OPA1: variants seen among roughly 807,000 people sequenced by gnomAD.
The protein encoded by OPA1 is dynamin-like GTPase OPA1, mitochondrial.
OPA1 carries 59 observed loss-of-function variants against 152.9 expected under a neutral mutation model. The ratio of observed to expected loss-of-function variants is 0.39; its 90% confidence interval spans 0.31 to 0.48. OPA1 has a LOEUF of 0.48. Among genes scored for constraint, OPA1 ranks in the 20% least tolerant of loss-of-function variants. The pLI, the probability that OPA1 is intolerant of heterozygous loss-of-function variation, is 0.96. For missense variants in OPA1, 1,008 were observed against 1,216.8 expected (o/e 0.83, Z 2.55); for synonymous variants, 400 against 389.9 (o/e 1.03, Z -0.31).
chr3:193,627,289 A>T (rs1731310185), intron 7 of OPA1: 1 of 152,326 alleles, frequency 6.6e-6, no homozygotes, highest in South Asian at 2.1e-4. Flanking sequence ...ATGGCTGTGG[A>T]ATCAATTCAT....
At position 193,637,416 on chromosome 3, in the gene OPA1, T is replaced by C. The variant is rs1733125643; in HGVS notation, c.1035+135T>C. The C allele has an allele frequency of 8.0e-6, 4 of 499,302 alleles. No homozygotes were observed. The East Asian group carries it at 1.4e-4, about 17-fold the overall frequency. 30.9% of individuals were successfully genotyped at this position (499,302 alleles called of 1,614,324 possible). A position where few individuals can be genotyped will look rare whatever the true frequency, so the allele number is the denominator to read the frequency against. ...GTAGGCATTTATATTTTTTATGTAATCTTACATGTTCCAAGTAATGTCTTA... is the reference window on the plus strand; with the variant it reads ...GTAGGCATTTATATTTTTTATGTAACCTTACATGTTCCAAGTAATGTCTTA... On this transcript the variant is annotated intron_variant, in intron 10 of 30. Coordinates refer to ENST00000361510, the MANE Select transcript of OPA1 (RefSeq NM_130837.3).
At chr3:193,634,237 T>C (rs1214357352) in intron 8 of OPA1, among the ~76,000 whole-genome samples, 1 of 151,468 alleles carries the variant, frequency 6.6e-6, no homozygotes, top group African/African-American at 2.4e-5. Flanking sequence ...TTAGAAAGGA[T>C]CAAATTTATT....
intron 1 of OPA1, among the ~76,000 whole-genome samples, chr3:193,598,608 GAATGTTTGCA>G (rs905201061): frequency 1.3e-5 from 2 of 152,142 alleles, no homozygotes; most frequent in Non-Finnish European, 2.9e-5. Context: ...AGGGAGTTTA[GAATGTTTGCA>G]AAAGAGTTAT....
At chr3:193,639,679 A>T (rs190269847) in intron 11 of OPA1, among the ~76,000 whole-genome samples, 2 of 152,362 alleles carry the variant, frequency 1.3e-5, no homozygotes, top group African/African-American at 4.8e-5. Context: ...TTTAAGTAAA[A>T]TGGAAAGCCA....
intron 29 of OPA1, among the ~76,000 whole-genome samples, chr3:193,670,256 A>G (rs1039111044): frequency 3.3e-5 from 5 of 152,178 alleles, no homozygotes; most frequent in African/African-American, 1.2e-4. Flanking sequence ...AGGCAATCAA[A>G]TTTTTACTAC....
chr3:193,663,125 G>T (rs1715685931), intron 26 of OPA1, among the ~76,000 whole-genome samples, 163 bp downstream of exon 26: 1 of 152,144 alleles, frequency 6.6e-6, no homozygotes, highest in Non-Finnish European at 1.5e-5. Context: ...TGCGTGAAGA[G>T]AAGGAATTTT....
chr3:193,617,264 T>A lies in OPA1; in HGVS notation c.535T>A (p.Leu179Met). The change falls in exon 4 of 31, where the codon TTG becomes ATG. Residue 179 changes from leucine (L) to methionine (M), a missense_variant. Physicochemically the swap from Leu to Met is conservative, Grantham distance 15. Transcript: ENST00000361510. ...CAAGATTGTTGAAAGCCTTAGCTTATTGAAGGACTTTTTTACCTCAGGTAA... is the reference window on the plus strand; with the variant it reads ...CAAGATTGTTGAAAGCCTTAGCTTAATGAAGGACTTTTTTACCTCAGGTAA... ...FDKIVESLSL[L>M]KDFFTSGHKL... 5.6e-6 allele frequency: 9 copies of A among 1,610,620 alleles called. No individual in the cohort carries two copies. Among genetic ancestry groups the A allele is most frequent in the Non-Finnish European group, 7.6e-6 (9 of 1,177,044 alleles).
intron 29 of OPA1, among the ~76,000 whole-genome samples, chr3:193,679,148 G>A (rs553002725): frequency 7.9e-5 from 12 of 152,258 alleles, no homozygotes; most frequent in African/African-American, 2.4e-4. Flanking sequence ...GGGGCGAGGG[G>A]AGGGAACTTA....
At chr3:193,609,643 G>T (rs1372173569) in intron 1 of OPA1, among the ~76,000 whole-genome samples, 1 of 152,166 alleles carries the variant, frequency 6.6e-6, no homozygotes, top group African/African-American at 2.4e-5. Flanking sequence ...TTTCCAACTT[G>T]GTTCCATTCT....
At chr3:193,634,602 G>T (rs746065569) in intron 8 of OPA1, among the ~76,000 whole-genome samples, 74 of 152,062 alleles carry the variant, frequency 4.9e-4, no homozygotes, top group Admixed American at 2.6e-4. Context: ...TAGAGACAGG[G>T]TTTCACCATG....
intron 1 of OPA1, among the ~76,000 whole-genome samples, chr3:193,601,014 T>G (rs191643613): frequency 9.9e-4 from 150 of 152,238 alleles, no homozygotes; most frequent in African/African-American, 3.4e-3. Context: ...GCCTCCAGCT[T>G]GAGCAAAAAG....
intron 1 of OPA1, among the ~76,000 whole-genome samples, chr3:193,610,888 C>T (rs150946064): frequency 0.017 from 2,534 of 152,314 alleles, 38 homozygotes; most frequent in Non-Finnish European, 0.021. Context: ...ATCGGAAAAG[C>T]GCAGTATTAG....
chr3:193,617,663 C>G, intron 4 of OPA1, 121 bp from the exon 5 acceptor site: 1 of 767,876 alleles, frequency 1.3e-6, no homozygotes, highest in Non-Finnish European at 2.3e-6. Flanking sequence ...AAGTTTAATC[C>G]TGGCATATTT....
At chr3:193,593,448 G>T (rs1724961688) in intron 1 of OPA1, 39 bp downstream of exon 1, 1 of 1,503,252 alleles carries the variant, frequency 6.7e-7, no homozygotes, top group Non-Finnish European at 8.9e-7. Context: ...TAATTCTGGG[G>T]CCTCTTGAGA....
chr3:193,610,456 GCCTCC>G (rs532752076), intron 1 of OPA1, among the ~76,000 whole-genome samples: 572 of 152,290 alleles, frequency 3.8e-3, no homozygotes, highest in African/African-American at 0.013. Flanking sequence ...ACTGGGGGGT[GCCTCC>G]CAGTTAGGCT....
At chr3:193,690,895 T>C (rs1173570405) in intron 29 of OPA1, among the ~76,000 whole-genome samples, 1 of 152,042 alleles carries the variant, frequency 6.6e-6, no homozygotes, top group Non-Finnish European at 1.5e-5. Context: ...ACAAAAATAT[T>C]TATCATGCTT....
intron 29 of OPA1, among the ~76,000 whole-genome samples, chr3:193,684,603 A>G (rs1720677088): frequency 6.6e-6 from 1 of 151,988 alleles, no homozygotes. Flanking sequence ...GGCGCCCGCC[A>G]CTACGCCCGG....
At chr3:193,660,228 C>T (rs1027485433) in intron 25 of OPA1, among the ~76,000 whole-genome samples, 1 of 152,152 alleles carries the variant, frequency 6.6e-6, no homozygotes, top group African/African-American at 2.4e-5. Flanking sequence ...GTCCCTACCC[C>T]TCACCTCCAC....
At chr3:193,599,473 A>G (rs1257560576) in intron 1 of OPA1, among the ~76,000 whole-genome samples, 1 of 149,074 alleles carries the variant, frequency 6.7e-6, no homozygotes, top group Non-Finnish European at 1.5e-5. Context: ...CCTCCATCAC[A>G]CTTCATCCTA....
Sources: gnomAD v4.1 joint callset for allele counts (sites outside exome capture counted in the v4.1 genomes callset) on GRCh38, gnomAD v4.1.1 for gene constraint, MANE v1.5 for transcripts, NCBI Gene and HGNC (gene_info 2026-07-23, HGNC 2026-07-21) for gene names.